Variants in ASPH observed in about 807,000 individuals in gnomAD.
ASPH encodes the protein aspartyl/asparaginyl beta-hydroxylase.
Under a neutral mutation model 118.4 loss-of-function variants are expected in ASPH, and 100 were observed. The ratio of observed to expected loss-of-function variants is 0.84; its 90% CI spans 0.72 to 1.00. ASPH has a LOEUF of 1.00. ASPH is among the 50% of genes least tolerant of loss of function. ASPH has a pLI of 0.00. For synonymous variants in ASPH, 315 were observed against 325.6 expected (o/e 0.97, Z 0.35); for missense variants, 920 against 919.5 (o/e 1.00, Z -0.01).
intron 22 of ASPH, among the ~76,000 whole-genome samples, chr8:61,522,639 C>T (rs1813552109): frequency 1.3e-5 from 2 of 152,128 alleles, no homozygotes; most frequent in Non-Finnish European, 2.9e-5. Context: ...TTATAAGGGG[C>T]TTCCCCCTTC....
chr8:61,684,394 G>A (rs1485693988), intron 1 of ASPH: 11 of 530,872 alleles, frequency 2.1e-5, no homozygotes, highest in Non-Finnish European at 3.5e-5. Flanking sequence ...CTTTGAAGTA[G>A]TGCAGGAAAT....
At chr8:61,643,233 C>G (rs943615785) in intron 9 of ASPH, among the ~76,000 whole-genome samples, 153 bp downstream of exon 9, 18 of 152,142 alleles carry the variant, frequency 1.2e-4, no homozygotes, top group Admixed American at 1.2e-3. Context: ...ATTCTTATAA[C>G]AGTCTAACTT....
chr8:61,503,636 ACATCAAGCC>A, intron 24 of ASPH, 127 bp from the exon 25 acceptor site: 2 of 839,672 alleles, frequency 2.4e-6, no homozygotes, highest in Non-Finnish European at 3.4e-6. Flanking sequence ...AATAACTAGA[ACATCAAGCC>A]CAAGTTTATT....
At chr8:61,690,469 G>A (rs1832300780) in intron 1 of ASPH, among the ~76,000 whole-genome samples, 1 of 152,022 alleles carries the variant, frequency 6.6e-6, no homozygotes, top group Admixed American at 6.6e-5. Flanking sequence ...ATCTTGAAAG[G>A]GAACTAGGAA....
chr8:61,658,783 C>T (rs985266773), intron 3 of ASPH: 1 of 152,058 alleles, frequency 6.6e-6, no homozygotes, highest in Non-Finnish European at 1.5e-5. Flanking sequence ...TCTTCAAAAA[C>T]ACACACACAC....
At chr8:61,625,142 A>G in intron 13 of ASPH, 1 of 985,744 alleles carries the variant, frequency 1.0e-6, no homozygotes, top group Non-Finnish European at 1.2e-6. Flanking sequence ...TGGTCCTTTC[A>G]AAATGATGTG....
At chr8:61,616,904 C>G (rs1341962158) in intron 14 of ASPH, among the ~76,000 whole-genome samples, 2 of 152,182 alleles carry the variant, frequency 1.3e-5, no homozygotes, top group Non-Finnish European at 2.9e-5. Flanking sequence ...CTGTCTTGCT[C>G]TCACCTGCAA....
intron 22 of ASPH, among the ~76,000 whole-genome samples, chr8:61,518,694 T>G (rs1441616646): frequency 1.3e-5 from 2 of 152,218 alleles, no homozygotes; most frequent in Admixed American, 1.3e-4. Flanking sequence ...TACCATAAGT[T>G]TACATCATCT....
At chr8:61,540,664 A>G (rs72657089) in intron 21 of ASPH, among the ~76,000 whole-genome samples, 21,313 of 152,216 alleles carry the variant, frequency 0.14, 1,915 homozygotes, top group East Asian at 0.4. Flanking sequence ...TGCTAACATA[A>G]TTTCAAGGGC....
intron 21 of ASPH, among the ~76,000 whole-genome samples, chr8:61,533,602 T>C (rs540593570): frequency 3.9e-5 from 6 of 152,272 alleles, no homozygotes; most frequent in African/African-American, 1.4e-4. Context: ...GTTGGGTGCA[T>C]TGTCAAGCCA....
chr8:61,542,766 T>A (rs550785405), intron 21 of ASPH, among the ~76,000 whole-genome samples: 4 of 152,334 alleles, frequency 2.6e-5, no homozygotes, highest in African/African-American at 9.6e-5. Flanking sequence ...GCCTTTAATA[T>A]CTATTGTAGA....
intron 10 of ASPH, among the ~76,000 whole-genome samples, chr8:61,640,552 G>C (rs530329075): frequency 1.3e-5 from 2 of 152,136 alleles, no homozygotes; most frequent in African/African-American, 2.4e-5. Context: ...CCACAAACTA[G>C]GTAAGGTCTC....
intron 4 of ASPH, among the ~76,000 whole-genome samples, chr8:61,651,874 CTAAT>C (rs1211154241): frequency 2.0e-5 from 3 of 152,158 alleles, no homozygotes; most frequent in African/African-American, 7.2e-5. Flanking sequence ...ACTAAGTTCT[CTAAT>C]AAATATAATC....
intron 14 of ASPH, among the ~76,000 whole-genome samples, chr8:61,584,747 G>A (rs1036634274): frequency 2.7e-5 from 4 of 149,736 alleles, no homozygotes; most frequent in South Asian, 2.1e-4. Context: ...GGCCTCAAGC[G>A]ATCCTCCTGC....
At chr8:61,568,024 C>A (rs926516387) in intron 16 of ASPH, among the ~76,000 whole-genome samples, 1 of 151,974 alleles carries the variant, frequency 6.6e-6, no homozygotes, top group South Asian at 2.1e-4. Flanking sequence ...AGTGAGGAAT[C>A]GAGGACAGGC....
intron 1 of ASPH, among the ~76,000 whole-genome samples, chr8:61,690,791 T>C (rs925090693): frequency 1.3e-5 from 2 of 152,150 alleles, no homozygotes; most frequent in Non-Finnish European, 2.9e-5. Context: ...CAAGAATATA[T>C]TGCCAATATT....
intron 13 of ASPH, among the ~76,000 whole-genome samples, chr8:61,622,033 T>C (rs1851132353): frequency 6.6e-6 from 1 of 152,208 alleles, no homozygotes; most frequent in South Asian, 2.1e-4. Flanking sequence ...CAAATCGCTT[T>C]GGTGGATTCA....
intron 22 of ASPH, among the ~76,000 whole-genome samples, chr8:61,521,170 T>G (rs2129620480): frequency 6.6e-6 from 1 of 152,310 alleles, no homozygotes; most frequent in Non-Finnish European, 1.5e-5. Context: ...TGTTGTATTT[T>G]ATAGAAAGGC....
At chr8:61,706,864 C>T (rs867184250) in intron 1 of ASPH, among the ~76,000 whole-genome samples, 1 of 152,134 alleles carries the variant, frequency 6.6e-6, no homozygotes, top group Non-Finnish European at 1.5e-5. Flanking sequence ...CTGCAGACTA[C>T]GGTAAAAAGA....
Sources: allele counts gnomAD v4.1 joint callset (sites outside exome capture counted in the v4.1 genomes callset), GRCh38; gene constraint gnomAD v4.1.1; transcripts MANE v1.5; gene names NCBI Gene and HGNC (gene_info 2026-07-23, HGNC 2026-07-21).